TPGS2: variants seen among roughly 807,000 people sequenced by gnomAD.
TPGS2 encodes tubulin polyglutamylase complex subunit 2.
TPGS2 carries 26 observed loss-of-function variants against 31.1 expected under a neutral mutation model. That is an observed-to-expected ratio of 0.84 (90% CI 0.61 to 1.16). The LOEUF (loss-of-function observed/expected upper bound fraction) is 1.16. Ranked by LOEUF, TPGS2 falls within the 50% of genes most tolerant of loss-of-function variation. The pLI, the probability that TPGS2 is intolerant of heterozygous loss-of-function variation, is 0.00. For missense variants in TPGS2, 351 were observed against 363.8 expected (o/e 0.96, Z 0.29); for synonymous variants, 130 against 136.6 (o/e 0.95, Z 0.34).
intron 1 of TPGS2, among the ~76,000 whole-genome samples, chr18:36,824,100 C>A (rs993960088): frequency 9.2e-5 from 14 of 152,302 alleles, no homozygotes; most frequent in African/African-American, 3.4e-4. Context: ...TTGGTCTCTT[C>A]TGGACATTTC....
At position 36,807,919 on chromosome 18, in the gene TPGS2, TCA is replaced by T. The variant is rs1465309716; in HGVS notation, c.179_180del (p.Val60AspfsTer3). On this transcript the variant is annotated frameshift_variant, in exon 3 of 7. Coordinates refer to ENST00000334295, the MANE Select transcript of TPGS2 (RefSeq NM_015476.4). LOFTEE classifies it high-confidence loss of function. ...TAAAAGTTCTTCACATCTTCAGGCA[TCA>T]CACAGTTATTCTTCTAGAATCACAA... The part of the protein sequence containing the change: ...ISSWEQKNNC[V>X]MPEDVKNFYL... 1.5e-5 allele frequency: 24 copies of T among 1,614,088 alleles called. No individual in the cohort carries two copies. The highest frequency in any genetic ancestry group is 1.9e-5 in the Non-Finnish European group (23 of 1,180,048).
intron 4 of TPGS2, among the ~76,000 whole-genome samples, chr18:36,804,244 C>A (rs1456938987): frequency 1.3e-5 from 2 of 152,158 alleles, no homozygotes; most frequent in East Asian, 3.8e-4. Context: ...TTGTACTATC[C>A]TAAAATGCAT....
chr18:36,794,573 G>A lies in TPGS2; in HGVS notation c.*2232C>T, dbSNP rs566410649. 7 of 985,296 alleles carry A rather than the reference G, an allele frequency of 7.1e-6. No individual in the cohort carries two copies. The highest frequency in any genetic ancestry group is 2.3e-4 in the East Asian group (2 of 8,816). The allele number at this position is 985,296 out of a possible 1,614,324, so 61.0% of individuals were successfully genotyped here. ...AACTTCTCAACTCCCTTCTAACCTCGCTTGTCTTGGAGAAGCAGCCAAATG... is the reference window on the plus strand; with the variant it reads ...AACTTCTCAACTCCCTTCTAACCTCACTTGTCTTGGAGAAGCAGCCAAATG... On this transcript the variant is annotated 3_prime_UTR_variant, in exon 7 of 7. Coordinates refer to ENST00000334295, the MANE Select transcript of TPGS2 (RefSeq NM_015476.4).
chr18:36,816,116 T>C (rs1357318101), intron 2 of TPGS2, among the ~76,000 whole-genome samples: 1 of 152,246 alleles, frequency 6.6e-6, no homozygotes, highest in Non-Finnish European at 1.5e-5. Context: ...TTCTCCCAAA[T>C]GAATATGTCT....
chr18:36,793,390 A>G (rs536560992), downstream of TPGS2, among the ~76,000 whole-genome samples: 1 of 152,338 alleles, frequency 6.6e-6, no homozygotes, highest in Admixed American at 6.5e-5. Flanking sequence ...TAACTGAGTA[A>G]GTGGGGGATG....
At chr18:36,812,818 G>A (rs930392915) in intron 2 of TPGS2, among the ~76,000 whole-genome samples, 18 of 152,144 alleles carry the variant, frequency 1.2e-4, no homozygotes, top group Admixed American at 1.1e-3. Flanking sequence ...AGACAGTGTC[G>A]GAACTGAATT....
intron 6 of TPGS2, 55 bp downstream of exon 6, chr18:36,798,394 C>T (rs2044634502): frequency 6.2e-7 from 1 of 1,609,712 alleles, no homozygotes; most frequent in Admixed American, 1.7e-5. Context: ...TAACCATTTC[C>T]TCAGTAGATT....
At chr18:36,817,551 C>A in intron 2 of TPGS2, 1 of 152,256 alleles carries the variant, frequency 6.6e-6, no homozygotes, top group Non-Finnish European at 1.5e-5. Flanking sequence ...TCCTCCCACC[C>A]CAGCCTCCCC....
At chr18:36,793,697 T>C (rs1201279204), downstream of TPGS2, among the ~76,000 whole-genome samples, 4 of 152,084 alleles carry the variant, frequency 2.6e-5, no homozygotes, top group Non-Finnish European at 5.9e-5. Context: ...AATTGTGTAA[T>C]TTTGGTGATT....
At chr18:36,798,656 G>A (rs1568003578) in intron 5 of TPGS2, 47 bp from the exon 6 acceptor site, 1 of 1,584,062 alleles carries the variant, frequency 6.3e-7, no homozygotes, top group Admixed American at 1.8e-5. Flanking sequence ...TAGCTTAACA[G>A]TTTTTTCTTT....
chr18:36,803,959 G>A (rs1208750234), intron 4 of TPGS2, among the ~76,000 whole-genome samples: 1 of 151,930 alleles, frequency 6.6e-6, no homozygotes, highest in East Asian at 1.9e-4. Flanking sequence ...CTATTCACAG[G>A]TGTGATCACA....
chr18:36,828,553 A>G, intron 1 of TPGS2, 130 bp downstream of exon 1: 1 of 983,822 alleles, frequency 1.0e-6, no homozygotes, highest in Non-Finnish European at 1.5e-6. Flanking sequence ...CTCTGTAACA[A>G]CGGAAGTCCC....
At chr18:36,783,797 TCCTAATC>T (rs1466871252) in intron 6 of TPGS2, among the ~76,000 whole-genome samples, 3 of 152,150 alleles carry the variant, frequency 2.0e-5, no homozygotes, top group African/African-American at 7.2e-5. Context: ...CAGTAGCAGG[TCCTAATC>T]CCTGGAACCT....
intron 2 of TPGS2, among the ~76,000 whole-genome samples, chr18:36,813,350 A>G (rs1237057707): frequency 6.6e-6 from 1 of 152,186 alleles, no homozygotes; most frequent in East Asian, 1.9e-4. Context: ...AGTGAGATGA[A>G]GTAAGTCTTT....
downstream of TPGS2, among the ~76,000 whole-genome samples, chr18:36,781,393 C>T (rs1438490416): frequency 2.0e-5 from 3 of 152,188 alleles, no homozygotes; most frequent in African/African-American, 7.2e-5. Context: ...GTGGCTGACG[C>T]CTGTAATCCC....
downstream of TPGS2, chr18:36,790,241 A>G (rs983684304): frequency 2.0e-5 from 3 of 152,256 alleles, no homozygotes; most frequent in Admixed American, 1.3e-4. Flanking sequence ...TGCTTTAAAA[A>G]GCAGCATTTC....
At chr18:36,800,627 T>A (rs1418113924) in intron 4 of TPGS2, among the ~76,000 whole-genome samples, 1 of 152,072 alleles carries the variant, frequency 6.6e-6, no homozygotes, top group Non-Finnish European at 1.5e-5. Context: ...ATAACTTCAT[T>A]TCCTTTCCTG....
At chr18:36,809,449 A>G (rs2045317518) in intron 2 of TPGS2, among the ~76,000 whole-genome samples, 1 of 152,206 alleles carries the variant, frequency 6.6e-6, no homozygotes, top group South Asian at 2.1e-4. Context: ...GTATGTTCTG[A>G]TCAAGTTTTG....
intron 1 of TPGS2, chr18:36,820,868 T>C (rs1266230283): frequency 6.6e-6 from 1 of 152,250 alleles, no homozygotes. Flanking sequence ...TGAATAGGCA[T>C]AGCCATTCTC....
Sources: gnomAD v4.1 joint callset for allele counts (sites outside exome capture counted in the v4.1 genomes callset) on GRCh38, gnomAD v4.1.1 for gene constraint, MANE v1.5 for transcripts, NCBI Gene and HGNC (gene_info 2026-07-23, HGNC 2026-07-21) for gene names.